GNAS: variants seen among roughly 807,000 people sequenced by gnomAD.
GNAS encodes the protein protein ALEX.
A neutral mutation model predicts 54.5 loss-of-function variants in GNAS; 8 were observed. The ratio of observed to expected loss-of-function variants is 0.15; its 90% CI spans 0.09 to 0.26. GNAS has a LOEUF of 0.26. GNAS is among the 10% of genes least tolerant of loss of function. The pLI, the probability that GNAS is intolerant of heterozygous loss-of-function variation, is 1.00. For missense variants in GNAS, 170 were observed against 529.8 expected, an observed-to-expected ratio of 0.32 and a Z score of 6.67; for synonymous variants, 204 against 191.4, an observed-to-expected ratio of 1.07 and a Z score of -0.54.
At chr20:58,858,380 G>C (rs1211993197) in intron 1 of GNAS, among the ~76,000 whole-genome samples, 1 of 152,160 alleles carries the variant, frequency 6.6e-6, no homozygotes, top group Admixed American at 6.5e-5. Context: ...AAGAGAGAGA[G>C]AGAGAGAGAA....
At chr20:58,892,963 A>T (rs1438917574) in intron 1 of GNAS, among the ~76,000 whole-genome samples, 1 of 145,746 alleles carries the variant, frequency 6.9e-6, no homozygotes, top group Non-Finnish European at 1.5e-5. Context: ...CCACATTGAG[A>T]GTGCTTTGTG....
chr20:58,896,431 C>G (rs2090055894), intron 2 of GNAS, among the ~76,000 whole-genome samples: 1 of 152,046 alleles, frequency 6.6e-6, no homozygotes, highest in African/African-American at 2.4e-5. Context: ...TGGTATAGCA[C>G]AATGTGGCAA....
At chr20:58,840,310 C>G (rs1289595618), upstream of GNAS, 1 of 1,612,856 alleles carries the variant, frequency 6.2e-7, no homozygotes, top group Admixed American at 1.7e-5. This position sits in a 1 kb window ranked among gnomAD's most constrained non-coding sequence, Gnocchi z 6.0. Context: ...TTAACGCCCA[C>G]CACCGCTCCG....
At chr20:58,859,169 C>T (rs1484839151) in intron 1 of GNAS, among the ~76,000 whole-genome samples, 3 of 152,168 alleles carry the variant, frequency 2.0e-5, no homozygotes, top group Admixed American at 1.3e-4. Flanking sequence ...TGATTAGTAA[C>T]CAGTAATAAT....
At chr20:58,840,445 C>T (rs747367482), upstream of GNAS, 3 of 1,613,186 alleles carry the variant, frequency 1.9e-6, no homozygotes, top group African/African-American at 1.3e-5. The surrounding 1 kb of genome is among the most constrained non-coding windows in gnomAD (Gnocchi z 6.0). Flanking sequence ...AGACCGAGAG[C>T]GAGACCGAGT....
intron 1 of GNAS, among the ~76,000 whole-genome samples, chr20:58,885,995 GA>G (rs1268596973): frequency 6.6e-6 from 1 of 152,196 alleles, no homozygotes; most frequent in Non-Finnish European, 1.5e-5. Context: ...CCCAACTAAT[GA>G]AAGGCCAAGG....
rs1282165311 is a variant in GNAS at position 58,854,885 on chromosome 20, G to A, written c.43+13999G>A. The A allele has an allele frequency of 4.4e-6, 7 of 1,593,634 alleles. No individual in the cohort carries two copies. In the South Asian group the frequency reaches 4.5e-5, roughly 10 times the overall value. The stretch of plus-strand genomic sequence containing the variant: ...GCCCCGAGATCCAGGCTGCCGATCC[G>A]CCTACTCCGCGGCCTACTCGCGCGT... On this transcript the variant is annotated intron_variant, in intron 1 of 12. Transcript: ENST00000306090.
At chr20:58,889,452 G>A, upstream of GNAS, 1 of 686,720 alleles carries the variant, frequency 1.5e-6, no homozygotes, top group Non-Finnish European at 1.8e-6. Context: ...CCCGGGCGCC[G>A]CTGCCTTGCC....
Position 58,909,858 on chromosome 20 carries a change from A to G in GNAS, c.839+54A>G. ...GCTTGCCCAGGAGGCCCTGGTCTGC[A>G]CTGTTTATAGAGAAGAACCCCGTGC... On this transcript the variant is annotated intron_variant, in intron 10 of 12. Coordinates refer to ENST00000371085, the MANE Select transcript of GNAS (RefSeq NM_000516.7). The surrounding 1 kb of genome is among the most constrained non-coding windows in gnomAD (Gnocchi z 7.3). The G allele has an allele frequency of 6.2e-7, 1 of 1,612,700 alleles. No individual in the cohort carries two copies. Among genetic ancestry groups the G allele is most frequent in the Non-Finnish European group, 8.5e-7 (1 of 1,179,644 alleles).
rs2086320220 is a variant in GNAS, at chr20:58,854,235, A to C, written c.43+13349A>C. 3.7e-6 allele frequency: 6 copies of C among 1,613,282 alleles called. No individual in the cohort carries two copies. The highest frequency in any genetic ancestry group is 5.1e-6 in the Non-Finnish European group (6 of 1,179,824). ...CGCTGGGGTCGACGACACTCCCGTC[A>C]ACATGGACAGCCCCCCAATCGCGCT... On this transcript the variant is annotated intron_variant, in intron 1 of 12. Transcript: ENST00000306090.
intron 3 of GNAS, 31 bp from the exon 4 acceptor site, chr20:58,903,500 T>C (rs2090822028): frequency 6.3e-7 from 1 of 1,581,162 alleles, no homozygotes; most frequent in Non-Finnish European, 8.7e-7. Context: ...TGGTGCAATA[T>C]GATTTTCTTT....
intron 6 of GNAS, among the ~76,000 whole-genome samples, chr20:58,908,553 T>C (rs145292615): frequency 6.6e-6 from 1 of 151,814 alleles, no homozygotes; most frequent in South Asian, 2.1e-4. Flanking sequence ...GGGAAAGTCC[T>C]TGATGTTTTT....
upstream of GNAS, among the ~76,000 whole-genome samples, chr20:58,888,100 C>G (rs2088719737): frequency 6.6e-6 from 1 of 152,218 alleles, no homozygotes; most frequent in Non-Finnish European, 1.5e-5. Flanking sequence ...TATAGGTAGA[C>G]TTTTCTTTTT....
rs538524167 is a variant in GNAS, at chr20:58,909,138, C to A, written c.531-24C>A. 2.5e-6 allele frequency: 4 copies of A among 1,607,764 alleles called. No individual in the cohort carries two copies. Among genetic ancestry groups the A allele is most frequent in the African/African-American group, 1.3e-5 (1 of 74,854 alleles). On this transcript the variant is annotated intron_variant, in intron 6 of 12. Transcript: ENST00000371085. This position sits in a 1 kb window ranked among gnomAD's most constrained non-coding sequence, Gnocchi z 7.3. ...ATTGATGTGAGCGCTGTGAACACCC[C>A]ACGTGTCTTTCTTTTTCTCCCAGCT...
Position 58,841,253 on chromosome 20 carries a change from T to G in GNAS, c.43+367T>G, listed in dbSNP as rs1046583691. 1 of 971,338 alleles carries G rather than the reference T, an allele frequency of 1.0e-6. No individual in the cohort carries two copies. 60.2% of individuals were successfully genotyped at this position (971,338 alleles called of 1,614,324 possible). On this transcript the variant is annotated intron_variant, in intron 1 of 12. Coordinates refer to the GNAS transcript ENST00000306090. The surrounding 1 kb of genome is among the most constrained non-coding windows in gnomAD (Gnocchi z 5.0). The stretch of plus-strand genomic sequence containing the variant: ...CACTTGTTTTGCGCGCTTTTCTTCC[T>G]CCTAGAAAGACTAGTCTCAAATAAG...
chr20:58,851,491 G>A (rs888195708), intron 1 of GNAS, among the ~76,000 whole-genome samples: 2 of 152,250 alleles, frequency 1.3e-5, no homozygotes, highest in Admixed American at 6.5e-5. Flanking sequence ...GACGTGGCTC[G>A]CCAATCTGTC....
chr20:58,844,508 A>C (rs184462913), intron 1 of GNAS, among the ~76,000 whole-genome samples: 3 of 152,228 alleles, frequency 2.0e-5, no homozygotes, highest in Admixed American at 6.5e-5. Flanking sequence ...CTAGCAGCCC[A>C]GGTTGCTTCT....
In GNAS at chr20:58,891,606, G is replaced by GGAGCC. The variant is rs2089329092; in HGVS notation, c.-115_-111dup. 1.0e-6 allele frequency: 1 copy of GGAGCC among 969,344 alleles called. No individual in the cohort carries two copies. Among genetic ancestry groups the GGAGCC allele is most frequent in the African/African-American group, 1.8e-5 (1 of 54,094 alleles). 60.0% of individuals were successfully genotyped at this position (969,344 alleles called of 1,614,324 possible). A position where few individuals can be genotyped will look rare whatever the true frequency, so the allele number is the denominator to read the frequency against. ...GTCCGCCCCGCGCGCTCCTTGCCGA[G>GGAGCC]GAGCCGAGCCCGCGCCCGGCCCGCC... On this transcript the variant is annotated 5_prime_UTR_variant, in exon 1 of 13. Coordinates refer to ENST00000371085, the MANE Select transcript of GNAS (RefSeq NM_000516.7).
At chr20:58,858,429 A>G (rs2086608842) in intron 1 of GNAS, among the ~76,000 whole-genome samples, 1 of 152,042 alleles carries the variant, frequency 6.6e-6, no homozygotes, top group South Asian at 2.1e-4. Flanking sequence ...AAATTCTAAA[A>G]TATCTAAAGA....
Sources: allele counts gnomAD v4.1 joint callset (sites outside exome capture counted in the v4.1 genomes callset), GRCh38; gene constraint gnomAD v4.1.1; non-coding constraint Gnocchi (gnomAD v3.1); transcripts MANE v1.5; gene names NCBI Gene and HGNC (gene_info 2026-07-23, HGNC 2026-07-21).